CDH12: variants seen among roughly 807,000 people sequenced by gnomAD.
CDH12 encodes the protein cadherin 12.
A neutral mutation model predicts 74.1 loss-of-function variants in CDH12; 41 were observed. That is an observed-to-expected ratio of 0.55 (90% CI 0.43 to 0.72). The LOEUF is 0.72. CDH12 is among the 30% of genes least tolerant of loss of function. The pLI is 0.00. For missense variants in CDH12, 945 were observed against 977.2 expected, an observed-to-expected ratio of 0.97 and a Z score of 0.44; for synonymous variants, 399 against 355.0, an observed-to-expected ratio of 1.12 and a Z score of -1.39.
rs1175271377 is a variant in CDH12, at chr5:22,753,961, C to A, written c.-523+99097G>T. On this transcript the variant is annotated intron_variant, in intron 1 of 14. Coordinates refer to ENST00000382254, the MANE Select transcript of CDH12 (RefSeq NM_004061.5). ...TTCCTCTTAATGAAAAGGGGAACAG[C>A]TGCTTACTATCATCCATATTCTTTT... Among the ~76,000 whole-genome samples the A allele has an allele frequency of 2.0e-5, 3 of 152,150 alleles. No individual in the cohort carries two copies. In the East Asian group the frequency reaches 5.8e-4, roughly 29 times the overall value.
rs1748101928 is a variant in CDH12 at position 22,794,804 on chromosome 5, G to A, written c.-523+58254C>T. 2.6e-5 allele frequency among the ~76,000 whole-genome samples: 4 copies of A among 152,076 alleles called. No homozygotes were observed. The South Asian group carries it at 6.2e-4, about 24-fold the overall frequency. ...TGATTAAAGTAAGGTACTAGCAGTG[G>A]AGAGATCACCCTGGATTATCCTAGT... On this transcript the variant is annotated intron_variant, in intron 1 of 14. Coordinates refer to ENST00000382254, the MANE Select transcript of CDH12 (RefSeq NM_004061.5).
chr5:22,801,692 GT>G (rs924263801), intron 1 of CDH12, among the ~76,000 whole-genome samples: 1 of 100,132 alleles, frequency 1.0e-5, no homozygotes, highest in African/African-American at 3.6e-5. Context: ...TATACACTTT[GT>G]TTAATAGGGA....
intron 1 of CDH12, among the ~76,000 whole-genome samples, chr5:22,623,611 C>T (rs867836149): frequency 5.8e-4 from 88 of 152,166 alleles, no homozygotes; most frequent in East Asian, 1.5e-3. Flanking sequence ...TTACAAGGGA[C>T]ATGAAGGACC....
chr5:22,383,147 T>C (rs755754708), intron 3 of CDH12, among the ~76,000 whole-genome samples: 2 of 152,140 alleles, frequency 1.3e-5, no homozygotes, highest in Non-Finnish European at 1.5e-5. Context: ...TCAAATTTCA[T>C]AACTAAATCA....
intron 1 of CDH12, among the ~76,000 whole-genome samples, chr5:22,684,478 T>C (rs1381966198): frequency 6.6e-6 from 1 of 152,196 alleles, no homozygotes; most frequent in East Asian, 1.9e-4. Flanking sequence ...TATACACTGA[T>C]TGTGAGCACA....
At chr5:22,749,938 C>G (rs1450539176) in intron 1 of CDH12, among the ~76,000 whole-genome samples, 2 of 152,166 alleles carry the variant, frequency 1.3e-5, no homozygotes, top group African/African-American at 4.8e-5. Context: ...GGCACACATA[C>G]AATTTTTCAA....
intron 6 of CDH12, among the ~76,000 whole-genome samples, chr5:21,955,748 C>A (rs1228511708): frequency 2.0e-5 from 3 of 152,032 alleles, no homozygotes; most frequent in African/African-American, 7.2e-5. Flanking sequence ...ACCAGACAGA[C>A]CTAAAGCAGT....
At chr5:22,578,200 TATAAAGA>T (rs1739890857) in intron 1 of CDH12, among the ~76,000 whole-genome samples, 1 of 152,154 alleles carries the variant, frequency 6.6e-6, no homozygotes, top group South Asian at 2.1e-4. Flanking sequence ...AATTTTAAAA[TATAAAGA>T]ATAAAGATTT....
chr5:22,326,874 T>C (rs1739132362), intron 3 of CDH12, among the ~76,000 whole-genome samples: 1 of 152,224 alleles, frequency 6.6e-6, no homozygotes, highest in African/African-American at 2.4e-5. Flanking sequence ...TCCAGCTATA[T>C]ATATATTGTA....
intron 4 of CDH12, among the ~76,000 whole-genome samples, chr5:22,146,707 CT>C (rs1747209517): frequency 6.6e-6 from 1 of 152,012 alleles, no homozygotes; most frequent in Admixed American, 6.6e-5. Flanking sequence ...AAGTGTCCCC[CT>C]ATCAAGGCTT....
At position 22,270,886 on chromosome 5, in the gene CDH12, G is replaced by T. The variant is rs1002832810; in HGVS notation, c.-332-58243C>A. 2.0e-5 allele frequency among the ~76,000 whole-genome samples: 3 copies of T among 152,074 alleles called. No individual in the cohort carries two copies. In the South Asian group the frequency reaches 6.2e-4, roughly 32 times the overall value. On this transcript the variant is annotated intron_variant, in intron 3 of 14. Transcript: ENST00000382254. ...AGATAGGGTTTCACCATGTTGGCCA[G>T]GCTAGTCTTGAACTCCTGACCTCGT... is the stretch of plus-strand genomic sequence containing the variant.
chr5:22,107,461 T>C (rs1418206175), intron 4 of CDH12, among the ~76,000 whole-genome samples: 1 of 60,734 alleles, frequency 1.6e-5, no homozygotes, highest in Admixed American at 1.7e-4. Flanking sequence ...TGTATATGTG[T>C]ATATACGTAT....
chr5:22,600,588 C>T (rs942416719), intron 1 of CDH12, among the ~76,000 whole-genome samples: 9 of 151,948 alleles, frequency 5.9e-5, no homozygotes, highest in Non-Finnish European at 1.2e-4. Context: ...TATCCCTATG[C>T]TACCTTATGT....
At chr5:22,459,836 C>G (rs1745429212) in intron 2 of CDH12, among the ~76,000 whole-genome samples, 1 of 151,958 alleles carries the variant, frequency 6.6e-6, no homozygotes, top group Non-Finnish European at 1.5e-5. Flanking sequence ...CATGGTGGCA[C>G]ACACCTGTAG....
chr5:22,046,430 C>CT (rs11323330), intron 5 of CDH12, among the ~76,000 whole-genome samples: 2,521 of 100,300 alleles, frequency 0.025, 56 homozygotes, highest in African/African-American at 0.038. Context: ...CATTTAATTT[C>CT]TTTTTTTTTT....
At chr5:22,658,484 A>G (rs1740175986) in intron 1 of CDH12, among the ~76,000 whole-genome samples, 1 of 152,144 alleles carries the variant, frequency 6.6e-6, no homozygotes, top group South Asian at 2.1e-4. Flanking sequence ...AATTTAAATT[A>G]CAAGTCTGAC....
chr5:21,837,711 G>A (rs1042682297), intron 8 of CDH12, among the ~76,000 whole-genome samples: 1 of 151,994 alleles, frequency 6.6e-6, no homozygotes, highest in African/African-American at 2.4e-5. Context: ...GTTTTGTTCT[G>A]TTTTTTCCTC....
chr5:21,763,661 T>C (rs1186385010), intron 12 of CDH12, among the ~76,000 whole-genome samples: 2 of 152,178 alleles, frequency 1.3e-5, no homozygotes, highest in Non-Finnish European at 2.9e-5. Context: ...CATATTTTTG[T>C]TTCATGACAT....
intron 1 of CDH12, among the ~76,000 whole-genome samples, chr5:22,662,450 T>G (rs1740397873): frequency 6.6e-6 from 1 of 151,782 alleles, no homozygotes; most frequent in Non-Finnish European, 1.5e-5. Context: ...AGTCAAGGAG[T>G]CATACGGAAC....
Sources: allele counts gnomAD v4.1 joint callset (sites outside exome capture counted in the v4.1 genomes callset), GRCh38; gene constraint gnomAD v4.1.1; transcripts MANE v1.5; gene names NCBI Gene and HGNC (gene_info 2026-07-23, HGNC 2026-07-21).